SYN3: variants seen among roughly 807,000 people sequenced by gnomAD.
The protein encoded by SYN3 is synapsin-3.
Under a neutral mutation model 65.8 loss-of-function variants are expected in SYN3, and 35 were observed. The observed-to-expected ratio is 0.53, with a 90% CI of 0.41 to 0.70. The LOEUF is 0.70. SYN3 is among the 30% of genes least tolerant of loss of function. SYN3 has a pLI of 0.00. For synonymous variants in SYN3, 270 were observed against 292.9 expected, an observed-to-expected ratio of 0.92 and a Z score of 0.80; for missense variants, 680 against 749.0, an observed-to-expected ratio of 0.91 and a Z score of 1.08.
At chr22:32,905,143 A>G (rs1446422319) in intron 4 of SYN3, among the ~76,000 whole-genome samples, 1 of 152,202 alleles carries the variant, frequency 6.6e-6, no homozygotes, top group African/African-American at 2.4e-5. Flanking sequence ...ATTTTGTATG[A>G]GTCAGACACT....
chr22:33,043,926 A>G (rs5998704), intron 1 of SYN3, among the ~76,000 whole-genome samples: 78 of 152,060 alleles, frequency 5.1e-4, no homozygotes, highest in Middle Eastern at 3.4e-3. Context: ...GGTGGTATGC[A>G]CCTGTAGTCC....
rs980087209 is a variant in SYN3 at position 32,686,626 on chromosome 22, G to A, written c.712-89890C>T. The stretch of plus-strand genomic sequence containing the variant: ...TTTTTTTTTTTTTTGAGACAGTCTC[G>A]CTCTGCTGCATCTGGGCTGGAGTGC... On this transcript the variant is annotated intron_variant, in intron 6 of 13. Transcript: ENST00000358763. Among the ~76,000 whole-genome samples the A allele has an allele frequency of 2.5e-5, 3 of 121,020 alleles. No homozygotes were observed. In the East Asian group the frequency reaches 7.2e-4, roughly 29 times the overall value. 79.4% of individuals were successfully genotyped at this position (121,020 alleles called of 152,430 possible).
intron 3 of SYN3, among the ~76,000 whole-genome samples, chr22:32,936,180 C>A (rs891235660): frequency 6.6e-6 from 1 of 152,128 alleles, no homozygotes; most frequent in African/African-American, 2.4e-5. Flanking sequence ...AATGAAGTAC[C>A]AGAGATTACA....
At chr22:32,979,188 A>C (rs2052299773) in intron 3 of SYN3, among the ~76,000 whole-genome samples, 1 of 93,176 alleles carries the variant, frequency 1.1e-5, no homozygotes, top group Admixed American at 1.1e-4. Context: ...ACTCCATCTC[A>C]AAAAAAAAAA....
At chr22:33,019,628 C>T (rs758894939) in intron 1 of SYN3, among the ~76,000 whole-genome samples, 1 of 152,120 alleles carries the variant, frequency 6.6e-6, no homozygotes, top group Non-Finnish European at 1.5e-5. Flanking sequence ...TTATTTATTA[C>T]AGTTGATTTT....
At chr22:32,797,542 C>A (rs1055814342) in intron 6 of SYN3, among the ~76,000 whole-genome samples, 1 of 152,070 alleles carries the variant, frequency 6.6e-6, no homozygotes, top group South Asian at 2.1e-4. Context: ...AAAAAAGACA[C>A]CTTCCTAACT....
rs16991632 is a variant in SYN3, at chr22:32,984,806, T to C, written c.312-4104A>G. The stretch of plus-strand genomic sequence containing the variant: ...TGGGACCGGGAATGGTAACCTATCA[T>C]TACAATCACCAGCATACTGGGAAAA... On this transcript the variant is annotated intron_variant, in intron 2 of 13. Transcript: ENST00000358763. 7.8e-3 allele frequency among the ~76,000 whole-genome samples: 1,189 copies of C among 152,236 alleles called. 24 individuals carry two copies. Among genetic ancestry groups the C allele is most frequent in the African/African-American group, 0.028 (1,155 of 41,528 alleles).
intron 7 of SYN3, among the ~76,000 whole-genome samples, chr22:32,543,246 G>C (rs116802992): frequency 0.026 from 4,018 of 152,268 alleles, 185 homozygotes; most frequent in African/African-American, 0.092. Context: ...AGGCAGGCAG[G>C]CTGGGCACTG....
At chr22:32,885,567 CT>C (rs5845047) in intron 4 of SYN3, among the ~76,000 whole-genome samples, 16,141 of 147,106 alleles carry the variant, frequency 0.11, 1,335 homozygotes, top group East Asian at 0.43. Flanking sequence ...CTTCCCTTTC[CT>C]TTTTTTTTTT....
chr22:32,983,808 T>C (rs917837654), intron 2 of SYN3, among the ~76,000 whole-genome samples: 2 of 152,190 alleles, frequency 1.3e-5, no homozygotes, highest in Admixed American at 6.5e-5. Flanking sequence ...TGGAAACCTA[T>C]GGGTCATATG....
intron 6 of SYN3, among the ~76,000 whole-genome samples, chr22:32,829,293 C>T (rs1202549990): frequency 6.6e-6 from 1 of 152,232 alleles, no homozygotes; most frequent in African/African-American, 2.4e-5. Context: ...AATTGCTCCC[C>T]CAGCTTACTG....
chr22:32,741,295 C>A (rs1345463573), intron 6 of SYN3, among the ~76,000 whole-genome samples: 3 of 151,404 alleles, frequency 2.0e-5, no homozygotes, highest in African/African-American at 7.3e-5. Context: ...AGCAACTTGC[C>A]TAAGGTGCCA....
At chr22:32,577,562 T>C (rs2058870368) in intron 7 of SYN3, among the ~76,000 whole-genome samples, 1 of 152,258 alleles carries the variant, frequency 6.6e-6, no homozygotes, top group African/African-American at 2.4e-5. Context: ...TTGTCCTCCA[T>C]CATGACTCTA....
chr22:32,787,762 G>C (rs2046229790), intron 6 of SYN3, among the ~76,000 whole-genome samples: 1 of 152,160 alleles, frequency 6.6e-6, no homozygotes, highest in Non-Finnish European at 1.5e-5. Flanking sequence ...ATGAGACCCT[G>C]GGAGGCTCCA....
At chr22:32,725,774 T>C (rs1305173421) in intron 6 of SYN3, among the ~76,000 whole-genome samples, 1 of 152,230 alleles carries the variant, frequency 6.6e-6, no homozygotes, top group Non-Finnish European at 1.5e-5. Context: ...AACAGGAAGA[T>C]CATAAATTTG....
chr22:32,508,102 G>A lies in SYN3; in HGVS notation c.*5590C>T, dbSNP rs967865878. Among the ~76,000 whole-genome samples the A allele has an allele frequency of 2.0e-4, 30 of 152,212 alleles. No homozygotes were observed. The highest frequency in any genetic ancestry group is 1.4e-3 in the Admixed American group (21 of 15,300). On this transcript the variant is annotated 3_prime_UTR_variant, in exon 14 of 14. Coordinates refer to ENST00000358763, the MANE Select transcript of SYN3 (RefSeq NM_003490.4). The stretch of plus-strand genomic sequence containing the variant: ...GCCTCTGAGCCCAAGCCAAGCCATC[G>A]CATCCCCTGTGACTTGCGCGTATAC...
rs528185651 is a variant in SYN3 at position 32,536,847 on chromosome 22, A to G, written c.992+1189T>C. On this transcript the variant is annotated intron_variant, in intron 9 of 13. Transcript: ENST00000358763. ...CTTAAGGCCTTACCTGACACTGTATATCTGGAGTCGTCAGTGACATGAGCC... is the reference window on the plus strand; with the variant it reads ...CTTAAGGCCTTACCTGACACTGTATGTCTGGAGTCGTCAGTGACATGAGCC... Among the ~76,000 whole-genome samples the G allele has an allele frequency of 2.6e-5, 4 of 152,312 alleles. No individual in the cohort carries two copies. In the South Asian group the frequency reaches 6.2e-4, roughly 24 times the overall value.
chr22:32,840,108 A>C (rs1488279588), intron 6 of SYN3, among the ~76,000 whole-genome samples: 1 of 152,084 alleles, frequency 6.6e-6, no homozygotes, highest in African/African-American at 2.4e-5. Context: ...GGAGGTTTTC[A>C]TATCCTCCAG....
At chr22:32,528,803 G>T in intron 11 of SYN3, 71 bp downstream of exon 11, 1 of 1,595,728 alleles carries the variant, frequency 6.3e-7, no homozygotes, top group African/African-American at 1.3e-5. Flanking sequence ...TTGGATCCAG[G>T]GGCTCCCCAT....
Sources: allele counts gnomAD v4.1 joint callset (sites outside exome capture counted in the v4.1 genomes callset), GRCh38; gene constraint gnomAD v4.1.1; transcripts MANE v1.5; gene names NCBI Gene and HGNC (gene_info 2026-07-23, HGNC 2026-07-21).